Variants in EBPL observed in about 807,000 individuals in gnomAD.
The protein encoded by EBPL is emopamil-binding protein-like.
Under a neutral mutation model 19.0 loss-of-function variants are expected in EBPL, and 20 were observed. That is an observed-to-expected ratio of 1.05 (90% CI 0.74 to 1.53). EBPL has a LOEUF of 1.53. EBPL is among the 40% of genes most tolerant of loss of function. The pLI is 0.00. For missense variants in EBPL, 219 were observed against 261.1 expected (o/e 0.84, Z 1.11); for synonymous variants, 107 against 117.0 (o/e 0.91, Z 0.55).
intron 1 of EBPL, among the ~76,000 whole-genome samples, chr13:49,677,159 C>T (rs1953885655): frequency 6.6e-6 from 1 of 152,214 alleles, no homozygotes; most frequent in South Asian, 2.1e-4. Flanking sequence ...AAAAAGGAAG[C>T]CAAATAGACC....
In EBPL at chr13:49,676,198, C is replaced by A. The variant is rs368104403; in HGVS notation, c.172-6352G>T. On this transcript the variant is annotated intron_variant, in intron 1 of 3. Coordinates refer to ENST00000242827, the MANE Select transcript of EBPL (RefSeq NM_032565.5). Reference sequence around the variant, plus strand: ...GAGCAGGGGCCATTTTCATAAGAATCTGAGAACAAGATCTGCCCACTCATC... The same window carrying A: ...GAGCAGGGGCCATTTTCATAAGAATATGAGAACAAGATCTGCCCACTCATC... Among the ~76,000 whole-genome samples, 8 of 152,306 alleles carry A rather than the reference C, an allele frequency of 5.3e-5. 1 individual carries two copies. The South Asian group carries it at 1.7e-3, about 32-fold the overall frequency.
chr13:49,661,398 T>C (rs1376193711), intron 3 of EBPL, among the ~76,000 whole-genome samples, 190 bp from the exon 4 acceptor site: 2 of 152,206 alleles, frequency 1.3e-5, no homozygotes, highest in African/African-American at 4.8e-5. Flanking sequence ...GGCTCATTCT[T>C]TCCTTAGAGG....
intron 1 of EBPL, among the ~76,000 whole-genome samples, chr13:49,671,159 G>T (rs1168575930): frequency 6.6e-6 from 1 of 152,086 alleles, no homozygotes; most frequent in African/African-American, 2.4e-5. Flanking sequence ...TTCTGAGATA[G>T]TCTCACTCTG....
At chr13:49,681,497 G>T (rs1008814708) in intron 1 of EBPL, among the ~76,000 whole-genome samples, 2 of 152,138 alleles carry the variant, frequency 1.3e-5, no homozygotes, top group African/African-American at 4.8e-5. Context: ...CACCATGTTG[G>T]CCAGGCTGGT....
intron 1 of EBPL, among the ~76,000 whole-genome samples, chr13:49,684,943 T>C (rs866737440): frequency 6.6e-6 from 1 of 152,132 alleles, no homozygotes; most frequent in Admixed American, 6.5e-5. Context: ...TCTTGCTCTG[T>C]CGCCCAGGCT....
chr13:49,662,883 G>A (rs948997362), intron 3 of EBPL, among the ~76,000 whole-genome samples, 174 bp downstream of exon 3: 4 of 152,076 alleles, frequency 2.6e-5, no homozygotes, highest in Non-Finnish European at 4.4e-5. Context: ...TGATCCTCCC[G>A]CCTCAGCCTC....
chr13:49,669,426 T>C (rs887283328), intron 2 of EBPL, among the ~76,000 whole-genome samples: 4 of 152,182 alleles, frequency 2.6e-5, no homozygotes, highest in African/African-American at 9.7e-5. Context: ...CAAATATTGT[T>C]TAATATAATA....
chr13:49,664,249 T>C (rs891919114), intron 2 of EBPL, among the ~76,000 whole-genome samples: 1 of 152,174 alleles, frequency 6.6e-6, no homozygotes, highest in African/African-American at 2.4e-5. Context: ...CTAGACTCTA[T>C]CTCAATACAA....
rs796886572 is a variant in EBPL at position 49,683,292 on chromosome 13, C to T, written c.171+7962G>A. Among the ~76,000 whole-genome samples, 108 of 151,812 alleles carry T rather than the reference C, an allele frequency of 7.1e-4. 2 individuals are homozygous for T. The highest frequency in any genetic ancestry group is 2.2e-3 in the African/African-American group (91 of 41,436). ...CTGTAATCCCAGCACCTTGGGAGGC[C>T]GAGGCGGGCAGATCATGAGGTCAGG... On this transcript the variant is annotated intron_variant, in intron 1 of 3. Coordinates refer to ENST00000242827, the MANE Select transcript of EBPL (RefSeq NM_032565.5).
intron 1 of EBPL, among the ~76,000 whole-genome samples, chr13:49,670,945 T>C (rs1328049000): frequency 6.6e-6 from 1 of 152,202 alleles, no homozygotes; most frequent in African/African-American, 2.4e-5. Context: ...CCTTTCTTGT[T>C]CTCTAAACAT....
At chr13:49,666,896 A>G (rs5803476) in intron 2 of EBPL, among the ~76,000 whole-genome samples, 81 of 134,392 alleles carry the variant, frequency 6.0e-4, no homozygotes, top group African/African-American at 1.2e-3. Flanking sequence ...TAAAAAAAAA[A>G]GAAAAAAAAA....
intron 2 of EBPL, among the ~76,000 whole-genome samples, chr13:49,665,947 T>G (rs1965220554): frequency 6.6e-6 from 1 of 152,094 alleles, no homozygotes; most frequent in Admixed American, 6.5e-5. Flanking sequence ...CTCTTCCCTG[T>G]TGGTGAGGGA....
At chr13:49,673,273 G>A (rs1038660499) in intron 1 of EBPL, among the ~76,000 whole-genome samples, 1 of 152,094 alleles carries the variant, frequency 6.6e-6, no homozygotes, top group African/African-American at 2.4e-5. Context: ...ATACGACCCA[G>A]CAATTCCACA....
chr13:49,676,038 C>T (rs552550611), intron 1 of EBPL, among the ~76,000 whole-genome samples: 79 of 152,180 alleles, frequency 5.2e-4, no homozygotes, highest in Admixed American at 2.7e-3. Context: ...CCTTTGCCTA[C>T]CTTTGAGGTT....
intron 1 of EBPL, among the ~76,000 whole-genome samples, chr13:49,678,652 G>A (rs1401835115): frequency 6.6e-6 from 1 of 151,616 alleles, no homozygotes; most frequent in East Asian, 2.0e-4. Context: ...GGTTCTCGCC[G>A]GCGCCTCTCC....
chr13:49,668,881 ATT>A (rs371547557), intron 2 of EBPL, among the ~76,000 whole-genome samples: 12 of 142,174 alleles, frequency 8.4e-5, no homozygotes, highest in Admixed American at 1.4e-4. Context: ...CACTACCAAC[ATT>A]TTTTTTTTTT....
intron 1 of EBPL, among the ~76,000 whole-genome samples, chr13:49,690,364 C>G (rs1486939048): frequency 6.8e-6 from 1 of 146,726 alleles, no homozygotes; most frequent in Non-Finnish European, 1.5e-5. Context: ...ATACTACTGA[C>G]TTTGGCTTCA....
intron 1 of EBPL, among the ~76,000 whole-genome samples, chr13:49,682,288 C>A (rs773485035): frequency 6.6e-6 from 1 of 152,202 alleles, no homozygotes; most frequent in Non-Finnish European, 1.5e-5. Context: ...GGACTTGAAT[C>A]ATATTTCTCC....
At chr13:49,684,357 T>A (rs1406127924) in intron 1 of EBPL, among the ~76,000 whole-genome samples, 1 of 152,208 alleles carries the variant, frequency 6.6e-6, no homozygotes, top group Non-Finnish European at 1.5e-5. Flanking sequence ...TTCACTATAA[T>A]AACAATAATC....
Sources: gnomAD v4.1 joint callset for allele counts (sites outside exome capture counted in the v4.1 genomes callset) on GRCh38, gnomAD v4.1.1 for gene constraint, MANE v1.5 for transcripts, NCBI Gene and HGNC (gene_info 2026-07-23, HGNC 2026-07-21) for gene names.